Variants in RBMS3 observed in about 807,000 individuals in gnomAD.
RBMS3 encodes RNA binding motif single stranded interacting protein 3, also known as RNA-binding motif, single-stranded-interacting protein 3.
Under a neutral mutation model 66.8 loss-of-function variants are expected in RBMS3, and 27 were observed. The ratio of observed to expected loss-of-function variants is 0.40; its 90% confidence interval spans 0.30 to 0.56. RBMS3 has a LOEUF of 0.56. RBMS3 is among the 20% of genes least tolerant of loss of function. The pLI is 0.40. For synonymous variants in RBMS3, 188 were observed against 183.0 expected (o/e 1.03, Z -0.22); for missense variants, 513 against 549.5 (o/e 0.93, Z 0.66).
At chr3:29,594,339 G>A (rs958789042) in intron 4 of RBMS3, among the ~76,000 whole-genome samples, 6 of 151,752 alleles carry the variant, frequency 4.0e-5, no homozygotes, top group Admixed American at 6.6e-5. Context: ...TCTTCAAATC[G>A]TGTTGTTCTA....
chr3:29,680,189 G>A (rs185563051), intron 4 of RBMS3, among the ~76,000 whole-genome samples: 9 of 152,270 alleles, frequency 5.9e-5, no homozygotes, highest in Admixed American at 5.2e-4. Context: ...TGCCAAGTCA[G>A]CATTAATGCC....
intron 14 of RBMS3, among the ~76,000 whole-genome samples, chr3:29,994,371 C>T (rs572633536): frequency 6.6e-6 from 1 of 152,208 alleles, no homozygotes; most frequent in Non-Finnish European, 1.5e-5. Context: ...CCGCCATTGC[C>T]CAGGCTTGAT....
intron 6 of RBMS3, among the ~76,000 whole-genome samples, chr3:29,802,459 A>G (rs776515103): frequency 6.6e-6 from 1 of 152,132 alleles, no homozygotes; most frequent in African/African-American, 2.4e-5. Flanking sequence ...CGATTATTTG[A>G]TTGTTTTGAT....
intron 1 of RBMS3, among the ~76,000 whole-genome samples, chr3:29,299,184 A>G (rs183177334): frequency 6.6e-6 from 1 of 151,898 alleles, no homozygotes; most frequent in Non-Finnish European, 1.5e-5. Flanking sequence ...AACAGCAGGA[A>G]GGGAAAGTAT....
chr3:29,811,115 AG>A (rs2057717549), intron 6 of RBMS3, among the ~76,000 whole-genome samples: 1 of 152,196 alleles, frequency 6.6e-6, no homozygotes. Context: ...GTAAAAAAGA[AG>A]GAAGAAAGGA....
At chr3:29,392,008 G>A (rs1015287660) in intron 1 of RBMS3, among the ~76,000 whole-genome samples, 8 of 152,138 alleles carry the variant, frequency 5.3e-5, no homozygotes, top group African/African-American at 1.9e-4. Flanking sequence ...CCAGCACTTT[G>A]GGAGGTCGAG....
At chr3:29,961,789 C>T (rs995034407) in intron 12 of RBMS3, among the ~76,000 whole-genome samples, 2 of 151,620 alleles carry the variant, frequency 1.3e-5, no homozygotes, top group African/African-American at 4.8e-5. Context: ...TTACTTCCCA[C>T]CAGGTCCTTC....
intron 4 of RBMS3, among the ~76,000 whole-genome samples, chr3:29,639,559 G>A (rs2049610026): frequency 6.7e-6 from 1 of 148,374 alleles, no homozygotes; most frequent in Non-Finnish European, 1.5e-5. Context: ...GCAAAAACCA[G>A]AATATACACT....
At chr3:29,999,181 A>G (rs954251014) in intron 14 of RBMS3, among the ~76,000 whole-genome samples, 1 of 152,240 alleles carries the variant, frequency 6.6e-6, no homozygotes, top group Non-Finnish European at 1.5e-5. Context: ...ATCACTGGCC[A>G]TCAGAGAAAT....
chr3:29,993,257 A>ACTAATACTGTGGTAG (rs903694699), intron 14 of RBMS3, among the ~76,000 whole-genome samples: 2 of 149,140 alleles, frequency 1.3e-5, no homozygotes, highest in African/African-American at 5.2e-5. Context: ...TATGTGCAAA[A>ACTAATACTGTGGTAG]CTAATACTGT....
chr3:29,544,971 TGA>T (rs1172137190), intron 3 of RBMS3, among the ~76,000 whole-genome samples: 3 of 152,156 alleles, frequency 2.0e-5, no homozygotes, highest in Non-Finnish European at 4.4e-5. Flanking sequence ...TCCTAGCCTT[TGA>T]CACAGCAATC....
intron 9 of RBMS3, among the ~76,000 whole-genome samples, chr3:29,897,951 A>G (rs1166288745): frequency 6.6e-6 from 1 of 151,800 alleles, no homozygotes; most frequent in South Asian, 2.1e-4. Flanking sequence ...AGAAGAAATT[A>G]TCAAAGTGGT....
chr3:29,544,291 A>G (rs1030554008), intron 3 of RBMS3, among the ~76,000 whole-genome samples: 1 of 152,192 alleles, frequency 6.6e-6, no homozygotes, highest in African/African-American at 2.4e-5. Flanking sequence ...CTGGGGGAAA[A>G]TAATATCTTA....
intron 3 of RBMS3, among the ~76,000 whole-genome samples, chr3:29,551,935 C>T (rs35893): frequency 0.54 from 82,043 of 151,630 alleles, 22,876 homozygotes; most frequent in African/African-American, 0.65. Context: ...CCTGCTGAAC[C>T]TAATGTTAGT....
intron 4 of RBMS3, among the ~76,000 whole-genome samples, chr3:29,685,274 G>A (rs944492037): frequency 1.3e-5 from 2 of 152,090 alleles, no homozygotes; most frequent in Admixed American, 1.3e-4. Context: ...TGTTAGCCAG[G>A]ATGGTCTCCA....
At chr3:29,288,745 C>T (rs1257179390) in intron 1 of RBMS3, among the ~76,000 whole-genome samples, 1 of 151,818 alleles carries the variant, frequency 6.6e-6, no homozygotes, top group Non-Finnish European at 1.5e-5. Flanking sequence ...AATATTATTT[C>T]GACTGAATCC....
chr3:29,588,836 T>C (rs1037728639), intron 4 of RBMS3, among the ~76,000 whole-genome samples: 3 of 152,200 alleles, frequency 2.0e-5, no homozygotes, highest in East Asian at 1.9e-4. Flanking sequence ...AAACAAATGA[T>C]GAAATGTAGC....
At chr3:29,993,922 G>C (rs1699045610) in intron 14 of RBMS3, among the ~76,000 whole-genome samples, 1 of 152,176 alleles carries the variant, frequency 6.6e-6, no homozygotes. Context: ...GTATCGGGGG[G>C]AGGAACCAAG....
At chr3:29,358,568 T>C (rs2037368381) in intron 1 of RBMS3, among the ~76,000 whole-genome samples, 1 of 152,086 alleles carries the variant, frequency 6.6e-6, no homozygotes, top group African/African-American at 2.4e-5. Flanking sequence ...AGTAGTTTTT[T>C]CCAATTCTGT....
Sources: gnomAD v4.1 joint callset for allele counts (sites outside exome capture counted in the v4.1 genomes callset) on GRCh38, gnomAD v4.1.1 for gene constraint, MANE v1.5 for transcripts, NCBI Gene and HGNC (gene_info 2026-07-23, HGNC 2026-07-21) for gene names.